ATG7: variants seen among roughly 807,000 people sequenced by gnomAD.
The protein encoded by ATG7 is autophagy related 7, also known as ubiquitin-like modifier-activating enzyme ATG7.
ATG7 carries 70 observed loss-of-function variants against 82.4 expected under a neutral mutation model. The observed-to-expected ratio is 0.85, with a 90% CI of 0.70 to 1.04. The LOEUF is 1.04. Among genes scored for constraint, ATG7 ranks in the 50% least tolerant of loss-of-function variants. The probability of loss-of-function intolerance (pLI) is 0.00; values close to 1 mark genes in which losing one functional copy is unlikely to be tolerated. For synonymous variants in ATG7, 287 were observed against 313.0 expected, an observed-to-expected ratio of 0.92 and a Z score of 0.88; for missense variants, 792 against 864.3, an observed-to-expected ratio of 0.92 and a Z score of 1.05.
intron 20 of ATG7, among the ~76,000 whole-genome samples, chr3:11,511,177 G>A (rs532036200): frequency 1.3e-5 from 2 of 152,290 alleles, no homozygotes; most frequent in Non-Finnish European, 2.9e-5. Context: ...AAGGGGACCT[G>A]AGCGGGTTGC....
At chr3:11,315,534 TA>T in intron 9 of ATG7, 41 bp downstream of exon 9, 2 of 1,482,742 alleles carry the variant, frequency 1.3e-6, no homozygotes, top group Non-Finnish European at 1.8e-6. Context: ...TATAGTTTTT[TA>T]AAAAATCTGA....
At chr3:11,330,197 A>G (rs2594999) in intron 9 of ATG7, among the ~76,000 whole-genome samples, 152,334 of 152,334 alleles carry the variant, frequency 1, 76,167 homozygotes, top group Non-Finnish European at 1. Flanking sequence ...CCACTGTAAA[A>G]ATACTATTTT....
intron 11 of ATG7, among the ~76,000 whole-genome samples, chr3:11,334,659 G>A (rs1035766900): frequency 1.3e-5 from 2 of 151,362 alleles, no homozygotes; most frequent in East Asian, 2.0e-4. Context: ...GGGAGGTGGT[G>A]TCAAAATCTC....
rs115046175 is a variant in ATG7, at chr3:11,461,528, T to C, written c.2079+34602T>C. On this transcript the variant is annotated intron_variant, in intron 20 of 20. Transcript: ENST00000693202. ...TTGCAGGTTAAGGAAATTGAGTTCA[T>C]GGTCTAAGATCACAGTGAATTGAAC... 8.4e-3 allele frequency among the ~76,000 whole-genome samples: 1,281 copies of C among 152,308 alleles called. 10 individuals carry two copies. The highest frequency in any genetic ancestry group is 0.034 in the Middle Eastern group (10 of 292).
At chr3:11,467,398 A>G (rs577954931) in intron 20 of ATG7, among the ~76,000 whole-genome samples, 9 of 152,274 alleles carry the variant, frequency 5.9e-5, no homozygotes, top group African/African-American at 2.2e-4. Context: ...TTGTTTTGAG[A>G]TGGAGTCTCC....
intron 18 of ATG7, among the ~76,000 whole-genome samples, chr3:11,379,291 T>C (rs565991755): frequency 6.6e-6 from 1 of 152,214 alleles, no homozygotes; most frequent in Non-Finnish European, 1.5e-5. Flanking sequence ...CCCTTTGGTG[T>C]AAGTATAGTA....
chr3:11,438,201 C>T (rs537492888), intron 20 of ATG7, among the ~76,000 whole-genome samples: 2 of 152,248 alleles, frequency 1.3e-5, no homozygotes, highest in East Asian at 1.9e-4. Flanking sequence ...CTGGGTGTCA[C>T]CAGGGCATCC....
At chr3:11,457,662 T>C (rs1373344942) in intron 20 of ATG7, among the ~76,000 whole-genome samples, 1 of 152,220 alleles carries the variant, frequency 6.6e-6, no homozygotes, top group African/African-American at 2.4e-5. Context: ...AAAGTGACTA[T>C]ACTAGTTAAG....
intron 20 of ATG7, among the ~76,000 whole-genome samples, chr3:11,437,948 T>C (rs763099067): frequency 8.5e-5 from 13 of 152,178 alleles, no homozygotes; most frequent in Non-Finnish European, 8.8e-5. Flanking sequence ...TTCCCAGAAA[T>C]GTACAGGATT....
At chr3:11,350,492 T>C (rs1009501576) in intron 14 of ATG7, among the ~76,000 whole-genome samples, 5 of 152,154 alleles carry the variant, frequency 3.3e-5, no homozygotes, top group Admixed American at 1.3e-4. Flanking sequence ...TCCAGTCCAT[T>C]GTATGTGTTA....
At chr3:11,495,955 A>G (rs1266027176) in intron 20 of ATG7, among the ~76,000 whole-genome samples, 1 of 152,194 alleles carries the variant, frequency 6.6e-6, no homozygotes, top group Admixed American at 6.5e-5. Flanking sequence ...TGTCATTTTC[A>G]TAGGCGCGTC....
intron 20 of ATG7, among the ~76,000 whole-genome samples, chr3:11,497,761 G>T (rs2090968462): frequency 6.6e-6 from 1 of 151,914 alleles, no homozygotes; most frequent in Non-Finnish European, 1.5e-5. Context: ...AGTTTCCCAT[G>T]TCTCTGCCAA....
At chr3:11,540,412 TTA>T (rs1415524254) in intron 20 of ATG7, among the ~76,000 whole-genome samples, 1 of 152,224 alleles carries the variant, frequency 6.6e-6, no homozygotes, top group Non-Finnish European at 1.5e-5. Flanking sequence ...CATCGGGTTG[TTA>T]TATCTTATTG....
At chr3:11,564,896 G>C in the ATG7 span, 2 of 1,607,704 alleles carry the variant, frequency 1.2e-6, no homozygotes, top group Middle Eastern at 1.7e-4. Flanking sequence ...CCAGGCCAAG[G>C]CTGGGGAGGG....
At chr3:11,425,367 C>G (rs903623152) in intron 19 of ATG7, among the ~76,000 whole-genome samples, 2 of 152,100 alleles carry the variant, frequency 1.3e-5, no homozygotes, top group African/African-American at 4.8e-5. Flanking sequence ...TTAAAGGGTG[C>G]CTGCATTTTC....
chr3:11,462,395 A>G (rs1576586731), intron 20 of ATG7, among the ~76,000 whole-genome samples: 1 of 152,170 alleles, frequency 6.6e-6, no homozygotes, highest in African/African-American at 2.4e-5. Context: ...ATGCAGGTCC[A>G]CAGGGGAAAG....
intron 20 of ATG7, among the ~76,000 whole-genome samples, chr3:11,471,745 C>CTTTTTTTTTTTTTTT (rs200590021): frequency 1.9e-5 from 2 of 105,710 alleles, no homozygotes; most frequent in African/African-American, 3.8e-5. Flanking sequence ...TTTTAGATTT[C>CTTTTTTTTTTTTTTT]TTTTTTTTTT....
intron 19 of ATG7, among the ~76,000 whole-genome samples, chr3:11,413,112 C>T (rs746478923): frequency 6.6e-6 from 1 of 152,094 alleles, no homozygotes; most frequent in Non-Finnish European, 1.5e-5. Context: ...CATTTGCAAG[C>T]AGAAATCGTT....
intron 9 of ATG7, among the ~76,000 whole-genome samples, chr3:11,317,677 C>T (rs1186683624): frequency 1.3e-5 from 2 of 151,540 alleles, no homozygotes; most frequent in African/African-American, 2.4e-5. Flanking sequence ...ACTGCAACCT[C>T]CGCCTCCTGG....
Sources: allele counts gnomAD v4.1 joint callset (sites outside exome capture counted in the v4.1 genomes callset), GRCh38; gene constraint gnomAD v4.1.1; transcripts MANE v1.5; gene names NCBI Gene and HGNC (gene_info 2026-07-23, HGNC 2026-07-21).